Variants in KCNMA1 observed in about 807,000 individuals in gnomAD.
KCNMA1 encodes the protein Calcium-activated potassium channel subunit alpha-1.
Under a neutral mutation model 140.0 loss-of-function variants are expected in KCNMA1, and 29 were observed. That is an observed-to-expected ratio of 0.21 (90% confidence interval 0.15 to 0.28). The LOEUF (loss-of-function observed/expected upper bound fraction) is 0.28. Among genes scored for constraint, KCNMA1 ranks in the 10% least tolerant of loss-of-function variants. The probability of loss-of-function intolerance (pLI) is 1.00; values close to 1 mark genes in which losing one functional copy is unlikely to be tolerated. For missense variants in KCNMA1, 880 were observed against 1,602.2 expected, an observed-to-expected ratio of 0.55 and a Z score of 7.70; for synonymous variants, 612 against 611.9, an observed-to-expected ratio of 1.00 and a Z score of 0.00.
chr10:77,509,189 C>T (rs112453713), intron 1 of KCNMA1, among the ~76,000 whole-genome samples: 6 of 152,022 alleles, frequency 3.9e-5, no homozygotes, highest in African/African-American at 9.7e-5. Flanking sequence ...GATGCAATCT[C>T]GGCTCACTGC....
intron 5 of KCNMA1, among the ~76,000 whole-genome samples, chr10:77,133,276 A>T (rs886543522): frequency 1.3e-5 from 2 of 151,956 alleles, no homozygotes; most frequent in African/African-American, 4.8e-5. Flanking sequence ...GAGTCCAAAT[A>T]TATTTGTAAT....
intron 18 of KCNMA1, among the ~76,000 whole-genome samples, chr10:77,004,207 G>A (rs944538818): frequency 2.5e-4 from 31 of 124,444 alleles, no homozygotes; most frequent in Admixed American, 2.3e-3. Flanking sequence ...AGACAAACAA[G>A]TGCCACCACA....
At chr10:77,553,270 A>ATGTT (rs1420031177) in intron 1 of KCNMA1, among the ~76,000 whole-genome samples, 3 of 152,066 alleles carry the variant, frequency 2.0e-5, no homozygotes, top group African/African-American at 7.2e-5. Flanking sequence ...TTTGTTGTAA[A>ATGTT]TGTTTTAAAA....
chr10:76,961,701 CG>C (rs2071528878), intron 20 of KCNMA1, among the ~76,000 whole-genome samples: 1 of 152,134 alleles, frequency 6.6e-6, no homozygotes, highest in Non-Finnish European at 1.5e-5. Flanking sequence ...TACCACCCCC[CG>C]ATCAGACAGC....
At chr10:77,141,392 G>A (rs571055612) in intron 5 of KCNMA1, among the ~76,000 whole-genome samples, 1 of 152,274 alleles carries the variant, frequency 6.6e-6, no homozygotes, top group East Asian at 1.9e-4. Context: ...GGAGTGATTA[G>A]GTTTAGACAA....
intron 3 of KCNMA1, among the ~76,000 whole-genome samples, chr10:77,228,545 A>C (rs1188307532): frequency 6.6e-6 from 1 of 152,214 alleles, no homozygotes; most frequent in African/African-American, 2.4e-5. Flanking sequence ...TCCCTGAGCC[A>C]CCTCTACAAC....
At chr10:77,129,334 A>C (rs2097803354) in intron 5 of KCNMA1, among the ~76,000 whole-genome samples, 1 of 151,966 alleles carries the variant, frequency 6.6e-6, no homozygotes, top group Non-Finnish European at 1.5e-5. Context: ...AGTATCTTTT[A>C]TTTTCTTTTT....
At position 77,108,364 on chromosome 10, in the gene KCNMA1, C is replaced by A. The variant is rs1479599001; in HGVS notation, c.1223+117G>T. The A allele has an allele frequency of 6.3e-7, 1 of 1,594,308 alleles. No homozygotes were observed. Among genetic ancestry groups the A allele is most frequent in the Non-Finnish European group, 8.5e-7 (1 of 1,176,200 alleles). The stretch of plus-strand genomic sequence containing the variant: ...GAGAGCAGCAATTTCGGGCACGTAG[C>A]GGGCAAACATTGCCTACATGCATGA... On this transcript the variant is annotated intron_variant, in intron 9 of 27. Transcript: ENST00000286628. The surrounding 1 kb of genome is among the most constrained non-coding windows in gnomAD (Gnocchi z 4.6).
chr10:77,637,491 G>T lies in KCNMA1; in HGVS notation c.152C>A (p.Ser51Tyr). 1.9e-6 allele frequency: 3 copies of T among 1,599,808 alleles called. No individual in the cohort carries two copies. Among genetic ancestry groups the T allele is most frequent in the Non-Finnish European group, 1.7e-6 (2 of 1,171,822 alleles). The change falls in exon 1 of 28, where the codon TCT (serine) becomes TAT (tyrosine). Residue 51 changes from serine (S) to tyrosine (Y), a missense_variant. Ser to Tyr is a moderately radical substitution (Grantham distance 144). Transcript: ENST00000286628. ...GGACGAGGAGGAAGAGGAGGAGGAA[G>T]AAGAAGAAGAGGAAGAGGAGGAGGA... is the stretch of plus-strand genomic sequence containing the variant. ...SSSSSSSSSS[S>Y]SSSSSSSSSV... is the part of the protein sequence containing the mutation.
At chr10:77,350,055 C>T (rs547457010) in intron 2 of KCNMA1, among the ~76,000 whole-genome samples, 1 of 152,220 alleles carries the variant, frequency 6.6e-6, no homozygotes, top group African/African-American at 2.4e-5. Context: ...CCTGCCACCA[C>T]ACCCGGCTAA....
At chr10:77,304,148 T>C (rs543243835) in intron 2 of KCNMA1, among the ~76,000 whole-genome samples, 19 of 152,114 alleles carry the variant, frequency 1.2e-4, no homozygotes, top group Non-Finnish European at 2.2e-4. Flanking sequence ...GCCAGAAATA[T>C]ACTAAGGGGA....
chr10:77,526,061 G>A (rs1047020506), intron 1 of KCNMA1, among the ~76,000 whole-genome samples: 6 of 152,288 alleles, frequency 3.9e-5, no homozygotes, highest in African/African-American at 1.2e-4. Context: ...CCTTGACTCT[G>A]GACATTGCCA....
intron 1 of KCNMA1, among the ~76,000 whole-genome samples, chr10:77,540,277 A>C (rs1186751404): frequency 6.6e-6 from 1 of 152,242 alleles, no homozygotes; most frequent in Non-Finnish European, 1.5e-5. Context: ...GGGGTGTTTT[A>C]AAAGGGAAGT....
In KCNMA1 at chr10:77,421,843, T is replaced by A. The variant is rs144171020; in HGVS notation, c.379-17820A>T. Among the ~76,000 whole-genome samples the A allele has an allele frequency of 2.7e-3, 411 of 152,304 alleles. 2 individuals carry two copies. The highest frequency in any genetic ancestry group is 9.3e-3 in the African/African-American group (386 of 41,582). On this transcript the variant is annotated intron_variant, in intron 1 of 27. Coordinates refer to ENST00000286628, the MANE Select transcript of KCNMA1 (RefSeq NM_001161352.2). ...TGTATCTCTCCAGCACAGTGTCTTG[T>A]TCTCACAAGGCGGTTCATAAAAATT...
At chr10:77,088,813 G>A (rs1265358191) in intron 10 of KCNMA1, among the ~76,000 whole-genome samples, 1 of 152,176 alleles carries the variant, frequency 6.6e-6, no homozygotes. Flanking sequence ...CCCATGACAA[G>A]TCATACCTCA....
chr10:77,543,430 G>T (rs1045664070), intron 1 of KCNMA1, among the ~76,000 whole-genome samples: 2 of 151,798 alleles, frequency 1.3e-5, no homozygotes, highest in Admixed American at 1.3e-4. Context: ...ACATATGCAA[G>T]ATAAAAAAAA....
chr10:77,624,907 G>C (rs1461251885), intron 1 of KCNMA1, among the ~76,000 whole-genome samples: 1 of 151,884 alleles, frequency 6.6e-6, no homozygotes, highest in Non-Finnish European at 1.5e-5. Context: ...TTCTAGAGGG[G>C]CTGCAATCTT....
chr10:77,072,562 C>T lies in KCNMA1; in HGVS notation c.1749+535G>A, dbSNP rs11002006. On this transcript the variant is annotated intron_variant, in intron 14 of 27. Transcript: ENST00000286628. ...CTCTCGGTGCAAAGGGCACTGCTGC[C>T]GAGGACTCAGTACATTGTTTCGCTC... Among the ~76,000 whole-genome samples, 388 of 152,178 alleles carry T rather than the reference C, an allele frequency of 2.5e-3. 1 individual carries two copies. The highest frequency in any genetic ancestry group is 8.4e-3 in the African/African-American group (349 of 41,516).
intron 2 of KCNMA1, among the ~76,000 whole-genome samples, chr10:77,253,610 T>C (rs555797423): frequency 6.6e-6 from 1 of 152,052 alleles, no homozygotes; most frequent in Non-Finnish European, 1.5e-5. Context: ...AACTCAAATA[T>C]CAGCATCTCT....
Sources: allele counts gnomAD v4.1 joint callset (sites outside exome capture counted in the v4.1 genomes callset), GRCh38; gene constraint gnomAD v4.1.1; non-coding constraint Gnocchi (gnomAD v3.1); transcripts MANE v1.5; gene names NCBI Gene and HGNC (gene_info 2026-07-23, HGNC 2026-07-21).